The following AHNAK2 variants were observed in gnomAD, a reference collection of about 807,000 sequenced individuals.
The protein encoded by AHNAK2 is protein AHNAK2.
A neutral mutation model predicts 30.7 loss-of-function variants in AHNAK2; 18 were observed. The observed-to-expected ratio is 0.59, with a 90% CI of 0.41 to 0.87. AHNAK2 has a LOEUF of 0.87. Ranked by LOEUF, AHNAK2 falls within the 40% of genes least tolerant of loss-of-function variation. AHNAK2 has a pLI of 0.00. For synonymous variants in AHNAK2, 3,590 were observed against 3,073.8 expected (o/e 1.17, Z -5.56); for missense variants, 8,604 against 7,373.0 (o/e 1.17, Z -6.11).
rs1389381107 is a variant in AHNAK2, at chr14:104,945,448, C to T, written c.10003G>A (p.Ala3335Thr). 2 of 1,613,534 alleles carry T rather than the reference C, an allele frequency of 1.2e-6. No homozygotes were observed. The highest frequency in any genetic ancestry group is 1.7e-5 in the Admixed American group (1 of 60,004). ...CTCACGTCGGCCTCCGCCTTCGGCG[C>T]AGACACATCCACCGAGGCCTGGATG... ...KSIQASVDVS[A>T]PKAEADVSLP... Residue 3335 changes from alanine (A) to threonine (T), a missense_variant, in exon 7 of 7, where the codon GCG becomes ACG. Transcript: ENST00000333244.
rs900481598 is a variant in AHNAK2 at position 104,942,589 on chromosome 14, C to T, written c.12862G>A (p.Asp4288Asn). 9 of 1,612,902 alleles carry T rather than the reference C, an allele frequency of 5.6e-6. No homozygotes were observed. The highest frequency in any genetic ancestry group is 2.7e-5 in the African/African-American group (2 of 74,642). ...CTGTCTTTGGCAGTCATGTCCTTGT[C>T]GGCTAGGGACAGGTCACCCTCCAGC... is the stretch of plus-strand genomic sequence containing the variant. ...VRLEGDLSLADKDMTAKDSKF... is the reference protein window; with the variant it reads ...VRLEGDLSLANKDMTAKDSKF... The change falls in exon 7 of 7, where the codon GAC (aspartate) becomes AAC (asparagine). Residue 4288 changes from aspartate to asparagine, a missense_variant. Asp to Asn is a conservative substitution (Grantham distance 23). Coordinates refer to ENST00000333244, the MANE Select transcript of AHNAK2 (RefSeq NM_138420.4).
intron 1 of AHNAK2, among the ~76,000 whole-genome samples, chr14:104,973,164 C>T (rs1899516886): frequency 6.6e-6 from 1 of 152,242 alleles, no homozygotes; most frequent in Admixed American, 6.5e-5. Flanking sequence ...AGGGGCTCTG[C>T]TAAGCCACCA....
chr14:104,949,654 G>A lies in AHNAK2; in HGVS notation c.5797C>T (p.Leu1933=), dbSNP rs1218134091. ...GPQTDVKGAK[L]DLKGPKAEVT... Reference sequence around the variant, plus strand: ...TCCGCCTTGGGGCCTTTCAGGTCCAGCTTGGCGCCCTTAACATCTGTCTGG... The same window carrying A: ...TCCGCCTTGGGGCCTTTCAGGTCCAACTTGGCGCCCTTAACATCTGTCTGG... The change falls in exon 7 of 7, where the codon CTG becomes TTG. Residue 1933 remains leucine, a synonymous_variant. Transcript: ENST00000333244. 1 of 1,588,118 alleles carries A rather than the reference G, an allele frequency of 6.3e-7. No homozygotes were observed. Among genetic ancestry groups the A allele is most frequent in the Non-Finnish European group, 8.6e-7 (1 of 1,163,148 alleles).
Position 104,939,299 on chromosome 14 carries a change from G to C in AHNAK2, c.16152C>G (p.Val5384=), listed in dbSNP as rs1897909960. The C allele has an allele frequency of 6.2e-7, 1 of 1,613,740 alleles. No homozygotes were observed. Among genetic ancestry groups the C allele is most frequent in the Non-Finnish European group, 8.5e-7 (1 of 1,179,866 alleles). ...TTGGTACCATTAATTTGGGGAATTT[G>C]ACAGTTAGGACAGAATCTTCCCACA... The part of the protein sequence containing the change: ...DQLWEDSVLT[V]KFPKLMVPRF... Residue 5384 remains valine, a synonymous_variant, in exon 7 of 7, where the codon GTC becomes GTG. Transcript: ENST00000333244.
rs1338268600 is a variant in AHNAK2 at position 104,951,920 on chromosome 14, G to A, written c.3531C>T (p.Ala1177=). 9.3e-6 allele frequency: 15 copies of A among 1,609,776 alleles called. No homozygotes were observed. The South Asian group carries it at 1.2e-4, about 13-fold the overall frequency. The change falls in exon 7 of 7, where the codon GCC becomes GCT. Residue 1177 remains alanine, a synonymous_variant. Coordinates refer to ENST00000333244, the MANE Select transcript of AHNAK2 (RefSeq NM_138420.4). ...KFKMPSFGAS[A]PGKSIEASVD... ...CCGAGGCCTCGATGGACTTGCCTGG[G>A]GCTGACGCCCCGAACGATGGCATCT... is the stretch of plus-strand genomic sequence containing the variant.
chr14:104,947,369 A>C lies in AHNAK2; in HGVS notation c.8082T>G (p.Thr2694=), dbSNP rs376698070. 106 of 1,612,280 alleles carry C rather than the reference A, an allele frequency of 6.6e-5. 4 individuals carry two copies. The African/African-American group carries it at 1.3e-3, about 20-fold the overall frequency. Reference sequence around the variant, plus strand: ...CAGAGGGGGGCTGAATGCTGATGTCAGTGGTCTTAAGGTCCCCTTGCATGG... The same window carrying C: ...CAGAGGGGGGCTGAATGCTGATGTCCGTGGTCTTAAGGTCCCCTTGCATGG... ...LPSMQGDLKT[T]DISIQPPSAQ... is the part of the protein sequence containing the mutation. Residue 2694 remains threonine, a synonymous_variant, in exon 7 of 7, where the codon ACT becomes ACG. Transcript: ENST00000333244.
At position 104,943,322 on chromosome 14, in the gene AHNAK2, C is replaced by G; in HGVS notation, c.12129G>C (p.Glu4043Asp). Residue 4043 changes from glutamate to aspartate, a missense_variant, in exon 7 of 7, where the codon GAG (glutamate) becomes GAC (aspartate). Coordinates refer to ENST00000333244, the MANE Select transcript of AHNAK2 (RefSeq NM_138420.4). The part of the protein sequence containing the change: ...DVKLPEGPVP[E>D]GASLKGHLPK... ...GCAGGTGCCCTTTGAGGCTGGCTCCCTCGGGCACGGGGCCCTCTGGGAGTT... is the reference window on the plus strand; with the variant it reads ...GCAGGTGCCCTTTGAGGCTGGCTCCGTCGGGCACGGGGCCCTCTGGGAGTT... 1 of 1,613,022 alleles carries G rather than the reference C, an allele frequency of 6.2e-7. No individual in the cohort carries two copies. Among genetic ancestry groups the G allele is most frequent in the Non-Finnish European group, 8.5e-7 (1 of 1,179,568 alleles).
chr14:104,965,885 T>C (rs1250027853), intron 1 of AHNAK2, among the ~76,000 whole-genome samples: 1 of 152,144 alleles, frequency 6.6e-6, no homozygotes, highest in Non-Finnish European at 1.5e-5. Flanking sequence ...CCCTCATGGA[T>C]ATGTGGACCA....
At chr14:104,971,102 G>C (rs1339210103) in intron 1 of AHNAK2, among the ~76,000 whole-genome samples, 1 of 152,168 alleles carries the variant, frequency 6.6e-6, no homozygotes. Flanking sequence ...CTGGTAAGCA[G>C]GGTGCGGTGG....
Position 104,946,979 on chromosome 14 carries a change from C to G in AHNAK2, c.8472G>C (p.Gly2824=), listed in dbSNP as rs750858204. The change falls in exon 7 of 7, where the codon GGG becomes GGC. Residue 2824 remains glycine, a synonymous_variant. Coordinates refer to ENST00000333244, the MANE Select transcript of AHNAK2 (RefSeq NM_138420.4). The part of the protein sequence containing the change: ...KMPKFKMPSF[G]VSAPGKSIEA... The stretch of plus-strand genomic sequence containing the variant: ...CGATGGACTTGCCTGGGGCCGACAC[C>G]CCGAATGACGGCATCTTGAACTTGG... The G allele has an allele frequency of 6.2e-7, 1 of 1,612,692 alleles. No individual in the cohort carries two copies. Among genetic ancestry groups the G allele is most frequent in the Non-Finnish European group, 8.5e-7 (1 of 1,179,662 alleles).
chr14:104,949,594 T>C lies in AHNAK2; in HGVS notation c.5857A>G (p.Ser1953Gly). 6.3e-7 allele frequency: 1 copy of C among 1,589,274 alleles called. No homozygotes were observed. The highest frequency in any genetic ancestry group is 8.6e-7 in the Non-Finnish European group (1 of 1,163,520). ...TGGGCCTGGACATCCACCTCCATGC[T>C]GGGCAGAGACACCTCGACATCGGGG... ...TAPDVEVSLP[S>G]MEVDVQAQKA... The change falls in exon 7 of 7, where the codon AGC (serine) becomes GGC (glycine). Residue 1953 changes from serine to glycine, a missense_variant. Transcript: ENST00000333244.
In AHNAK2 at chr14:104,952,539, T is replaced by G. The variant is rs557190420; in HGVS notation, c.2912A>C (p.Gln971Pro). 6 of 1,611,158 alleles carry G rather than the reference T, an allele frequency of 3.7e-6. No homozygotes were observed. The African/African-American group carries it at 6.8e-5, about 18-fold the overall frequency. Residue 971 changes from glutamine (Q) to proline (P), a missense_variant, in exon 7 of 7, where the codon CAG becomes CCG. Coordinates refer to ENST00000333244, the MANE Select transcript of AHNAK2 (RefSeq NM_138420.4). The part of the protein sequence containing the change: ...LPSMEVDVQA[Q>P]KAKLDGAWLE... Reference sequence around the variant, plus strand: ...CCACGCACCATCCAGCTTGGCCTTCTGGGCCTGGACATCCACCTCCATGCT... The same window carrying G: ...CCACGCACCATCCAGCTTGGCCTTCGGGGCCTGGACATCCACCTCCATGCT...
chr14:104,953,970 A>G lies in AHNAK2; in HGVS notation c.1481T>C (p.Phe494Ser), dbSNP rs2140866285. Residue 494 changes from phenylalanine to serine, a missense_variant, in exon 7 of 7, where the codon TTT becomes TCT. Transcript: ENST00000333244. ...TGGCTCTTTTTCTGTGGAAAATGCA[A>G]ATTTTGGTGTCTTTAAATCGTGTAC... Reference protein sequence around the residue: ...VRVHDLKTPKFAFSTEKEPER... With the variant: ...VRVHDLKTPKSAFSTEKEPER... 6.2e-7 allele frequency: 1 copy of G among 1,613,778 alleles called. No homozygotes were observed. The highest frequency in any genetic ancestry group is 1.1e-5 in the South Asian group (1 of 91,070).
chr14:104,947,201 C>G lies in AHNAK2; in HGVS notation c.8250G>C (p.Gln2750His). The G allele has an allele frequency of 1.2e-6, 2 of 1,612,292 alleles. No homozygotes were observed. The highest frequency in any genetic ancestry group is 2.2e-5 in the East Asian group (1 of 44,684). The change falls in exon 7 of 7, where the codon CAG becomes CAC. Residue 2750 changes from glutamine (Q) to histidine (H), a missense_variant. Coordinates refer to ENST00000333244, the MANE Select transcript of AHNAK2 (RefSeq NM_138420.4). ...KMPEVDLKGP[Q>H]IDVKGPNVDL... Reference sequence around the variant, plus strand: ...CCACGTTGGGGCCCTTAACATCTATCTGGGGGCCCTTGAGGTCCACTTCAG... The same window carrying G: ...CCACGTTGGGGCCCTTAACATCTATGTGGGGGCCCTTGAGGTCCACTTCAG...
chr14:104,956,759 G>GT, intron 3 of AHNAK2, 70 bp from the exon 4 acceptor site: 1 of 1,460,722 alleles, frequency 6.8e-7, no homozygotes, highest in Non-Finnish European at 9.6e-7. Flanking sequence ...CAGGTAGGCT[G>GT]GTGCCAGACC....
chr14:104,939,232 T>G lies in AHNAK2; in HGVS notation c.16219A>C (p.Ile5407Leu), dbSNP rs1897906866. The change falls in exon 7 of 7, where the codon ATC (isoleucine) becomes CTC (leucine). Residue 5407 changes from isoleucine (I) to leucine (L), a missense_variant. Ile to Leu is a conservative substitution (Grantham distance 5). Transcript: ENST00000333244. Reference protein sequence around the residue: ...PAPSSEDDVFIPTVREVQCPE... With the variant: ...PAPSSEDDVFLPTVREVQCPE... ...CACTGCACTTCCCTCACAGTGGGGA[T>G]GAACACATCATCCTCTGAGCTGGGG... 14 of 1,613,872 alleles carry G rather than the reference T, an allele frequency of 8.7e-6. No individual in the cohort carries two copies. In the East Asian group the frequency reaches 3.1e-4, roughly 36 times the overall value.
At chr14:104,959,871 T>G (rs1452840379) in intron 1 of AHNAK2, among the ~76,000 whole-genome samples, 1 of 152,206 alleles carries the variant, frequency 6.6e-6, no homozygotes, top group Non-Finnish European at 1.5e-5. Flanking sequence ...ATTGTCCTCA[T>G]TTTATTTCTT....
intron 1 of AHNAK2, among the ~76,000 whole-genome samples, chr14:104,965,228 C>T (rs1899266437): frequency 6.6e-6 from 1 of 151,810 alleles, no homozygotes; most frequent in Admixed American, 6.6e-5. Context: ...TGGTGAAACC[C>T]CATCTCTACT....
chr14:104,939,583 C>G lies in AHNAK2; in HGVS notation c.15868G>C (p.Asp5290His). The change falls in exon 7 of 7, where the codon GAT becomes CAT. Residue 5290 changes from aspartate (D) to histidine (H), a missense_variant. Transcript: ENST00000333244. ...CTGACCTCAGAAGTGGAAAGCTCAT[C>G]CCCAGTCATCCCAGCAGTGGAGAGG... ...LHLSTAGMTGDELSTSEVRIH... is the reference protein window; with the variant it reads ...LHLSTAGMTGHELSTSEVRIH... 2 of 1,613,800 alleles carry G rather than the reference C, an allele frequency of 1.2e-6. No individual in the cohort carries two copies. Among genetic ancestry groups the G allele is most frequent in the Non-Finnish European group, 1.7e-6 (2 of 1,179,856 alleles).
Sources: allele counts gnomAD v4.1 joint callset (sites outside exome capture counted in the v4.1 genomes callset), GRCh38; gene constraint gnomAD v4.1.1; transcripts MANE v1.5; gene names NCBI Gene and HGNC (gene_info 2026-07-23, HGNC 2026-07-21).